Variants in ATG10 observed in about 807,000 individuals in gnomAD.
ATG10 encodes the protein autophagy related 10.
ATG10 carries 30 observed loss-of-function variants against 32.1 expected under a neutral mutation model. The observed-to-expected ratio is 0.94, with a 90% CI of 0.70 to 1.27. The LOEUF is 1.27. Ranked by LOEUF, ATG10 falls within the 50% of genes most tolerant of loss-of-function variation. The probability of loss-of-function intolerance (pLI) is 0.00; values close to 1 mark genes in which losing one functional copy is unlikely to be tolerated. For synonymous variants in ATG10, 87 were observed against 91.5 expected, an observed-to-expected ratio of 0.95 and a Z score of 0.28; for missense variants, 233 against 262.3, an observed-to-expected ratio of 0.89 and a Z score of 0.77.
intron 2 of ATG10, among the ~76,000 whole-genome samples, chr5:82,020,790 A>G (rs919582440): frequency 6.6e-6 from 1 of 152,228 alleles, no homozygotes; most frequent in South Asian, 2.1e-4. Context: ...AAGAGGCCAC[A>G]TTCAGAGTTA....
chr5:82,164,444 G>A lies in ATG10; in HGVS notation c.262G>A (p.Ala88Thr). ...GGATGATTGTGAAGTGATTGAAACTGCAGCAGCGTCCGAAGTGATTAAATA... is the reference window on the plus strand; with the variant it reads ...GGATGATTGTGAAGTGATTGAAACTACAGCAGCGTCCGAAGTGATTAAATA... The part of the protein sequence containing the change: ...PLDDCEVIET[A>T]AASEVIKYEY... The change falls in exon 4 of 8, where the codon GCA becomes ACA. Residue 88 changes from alanine (A) to threonine (T), a missense_variant. By Grantham distance (58) the Ala-to-Thr change is moderately conservative (BLOSUM62 0). Coordinates refer to ENST00000282185, the MANE Select transcript of ATG10 (RefSeq NM_031482.5). 6.2e-7 allele frequency: 1 copy of A among 1,613,878 alleles called. No individual in the cohort carries two copies. The highest frequency in any genetic ancestry group is 8.5e-7 in the Non-Finnish European group (1 of 1,179,872).
At chr5:82,201,894 A>G (rs939943468) in intron 5 of ATG10, among the ~76,000 whole-genome samples, 8 of 152,146 alleles carry the variant, frequency 5.3e-5, no homozygotes, top group African/African-American at 9.7e-5. Context: ...TTGGGATGCT[A>G]TTATGTTTAA....
At chr5:82,187,982 A>G (rs1294679619) in intron 5 of ATG10, among the ~76,000 whole-genome samples, 2 of 152,224 alleles carry the variant, frequency 1.3e-5, no homozygotes, top group Non-Finnish European at 2.9e-5. Flanking sequence ...AGGCATTGGT[A>G]TAACAGTGCT....
intron 5 of ATG10, among the ~76,000 whole-genome samples, chr5:82,231,109 A>G (rs1746353544): frequency 6.6e-6 from 1 of 152,214 alleles, no homozygotes. Context: ...CAACCTTTAA[A>G]TCAAGGTTCA....
intron 3 of ATG10, among the ~76,000 whole-genome samples, chr5:82,131,723 A>G (rs1196599647): frequency 1.3e-5 from 2 of 151,730 alleles, no homozygotes; most frequent in Non-Finnish European, 2.9e-5. Context: ...CTCATCAGTA[A>G]TATCTGGGAA....
chr5:82,242,899 G>C (rs991798043), intron 5 of ATG10: 6 of 436,432 alleles, frequency 1.4e-5, no homozygotes, highest in Non-Finnish European at 2.7e-5. Context: ...AAAAAGAATA[G>C]TAAAATGTGG....
intron 3 of ATG10, among the ~76,000 whole-genome samples, chr5:82,061,170 C>T (rs1050308489): frequency 6.6e-6 from 1 of 152,062 alleles, no homozygotes; most frequent in African/African-American, 2.4e-5. Context: ...AAGATTTTAA[C>T]AGCAGAAGTT....
At chr5:82,051,155 G>A (rs904721288) in intron 2 of ATG10, among the ~76,000 whole-genome samples, 5 of 152,128 alleles carry the variant, frequency 3.3e-5, no homozygotes, top group Admixed American at 6.6e-5. Context: ...CCCAGCTAGA[G>A]AACAAATGTG....
At chr5:82,207,493 C>A (rs904015689) in intron 5 of ATG10, among the ~76,000 whole-genome samples, 1 of 151,840 alleles carries the variant, frequency 6.6e-6, no homozygotes, top group African/African-American at 2.4e-5. Context: ...CTTTTTTTTA[C>A]TGATTTATAG....
chr5:82,200,966 C>T (rs1178310767), intron 5 of ATG10, among the ~76,000 whole-genome samples: 1 of 151,688 alleles, frequency 6.6e-6, no homozygotes, highest in Non-Finnish European at 1.5e-5. Context: ...CTCACTGCAA[C>T]CTCTGCTCCC....
At position 82,178,581 on chromosome 5, in the gene ATG10, G is replaced by A. The variant is rs751921165; in HGVS notation, c.447G>A (p.Thr149=). 1.9e-5 allele frequency: 30 copies of A among 1,601,092 alleles called. No homozygotes were observed. Among genetic ancestry groups the A allele is most frequent in the Admixed American group, 1.0e-4 (6 of 59,858 alleles). The change falls in exon 5 of 8, where the codon ACG becomes ACA. Residue 149 remains threonine (T), a synonymous_variant. Coordinates refer to ENST00000282185, the MANE Select transcript of ATG10 (RefSeq NM_031482.5). ...TACAGGGACCATGGGACACTATTAC[G>A]CAACAGGTTGGAGAGTATTGTCATT... The part of the protein sequence containing the change: ...RLLQGPWDTI[T]QQEHPILGQP...
At chr5:82,222,372 C>T (rs1745964183) in intron 5 of ATG10, among the ~76,000 whole-genome samples, 1 of 152,062 alleles carries the variant, frequency 6.6e-6, no homozygotes, top group South Asian at 2.1e-4. Flanking sequence ...AATGGTGATC[C>T]TAGTAGTACA....
At chr5:82,180,415 A>T (rs1744186986) in intron 5 of ATG10, among the ~76,000 whole-genome samples, 1 of 152,158 alleles carries the variant, frequency 6.6e-6, no homozygotes, top group Non-Finnish European at 1.5e-5. Context: ...TGAAATCCAA[A>T]TCTGTAGACC....
intron 3 of ATG10, among the ~76,000 whole-genome samples, chr5:82,085,370 C>T (rs1764645691): frequency 6.6e-6 from 1 of 151,724 alleles, no homozygotes; most frequent in African/African-American, 2.4e-5. Flanking sequence ...TAGACTCCCA[C>T]ACAATAATAA....
intron 1 of ATG10, 29 bp from the exon 2 acceptor site, chr5:81,987,530 G>GTCAA (rs750914712): frequency 7.2e-7 from 1 of 1,397,666 alleles, no homozygotes; most frequent in South Asian, 1.3e-5. Context: ...TTCTAAAGTT[G>GTCAA]ATGCTAATAC....
chr5:82,240,211 T>A (rs577830156), intron 5 of ATG10, among the ~76,000 whole-genome samples: 47 of 152,282 alleles, frequency 3.1e-4, no homozygotes, highest in African/African-American at 9.6e-4. Context: ...GAAAGAGATA[T>A]CTGCACTCCT....
intron 5 of ATG10, among the ~76,000 whole-genome samples, chr5:82,216,156 T>C (rs1304776215): frequency 1.3e-5 from 2 of 152,176 alleles, no homozygotes; most frequent in Non-Finnish European, 2.9e-5. Context: ...AACAGCTTGA[T>C]GATTTAGAAA....
intron 3 of ATG10, among the ~76,000 whole-genome samples, chr5:82,066,731 C>G (rs1285523454): frequency 1.3e-5 from 2 of 152,110 alleles, no homozygotes; most frequent in Admixed American, 1.3e-4. Context: ...CACTCATTTG[C>G]CCTAAGGATT....
intron 2 of ATG10, among the ~76,000 whole-genome samples, chr5:82,045,000 T>G (rs1177431731): frequency 1.3e-5 from 2 of 152,156 alleles, no homozygotes; most frequent in Non-Finnish European, 2.9e-5. Flanking sequence ...CTCCCCAAGT[T>G]AGTAATACTC....
Sources: allele counts gnomAD v4.1 joint callset (sites outside exome capture counted in the v4.1 genomes callset), GRCh38; gene constraint gnomAD v4.1.1; transcripts MANE v1.5; gene names NCBI Gene and HGNC (gene_info 2026-07-23, HGNC 2026-07-21).